The following WWOX variants were observed in gnomAD, a reference collection of about 807,000 sequenced individuals.
The protein encoded by WWOX is WW domain containing oxidoreductase.
Under a neutral mutation model 46.2 loss-of-function variants are expected in WWOX, and 69 were observed. That is an observed-to-expected ratio of 1.49 (90% confidence interval 1.23 to 1.82). The LOEUF is 1.82. Among genes scored for constraint, WWOX ranks in the 40% most tolerant of loss-of-function variants. WWOX has a pLI of 0.00. For synonymous variants in WWOX, 359 were observed against 202.6 expected (o/e 1.77, Z -6.56); for missense variants, 919 against 542.6 (o/e 1.69, Z -6.89).
At chr16:78,370,787 TTGG>T (rs780033589) in intron 5 of WWOX, among the ~76,000 whole-genome samples, 28 of 13,438 alleles carry the variant, frequency 2.1e-3, no homozygotes, top group Middle Eastern at 0.048. Context: ...TCTTTTTTTT[TTGG>T]GGGGGGGGGG....
At chr16:78,117,256 G>A (rs1339934477) in intron 4 of WWOX, among the ~76,000 whole-genome samples, 4 of 152,106 alleles carry the variant, frequency 2.6e-5, no homozygotes, top group Admixed American at 1.3e-4. Flanking sequence ...AAATTGTAAC[G>A]CTCAGGATGG....
intron 5 of WWOX, among the ~76,000 whole-genome samples, chr16:78,375,873 A>T (rs1231077183): frequency 5.3e-5 from 6 of 113,686 alleles, no homozygotes; most frequent in Admixed American, 9.9e-5. Flanking sequence ...TTTTTTTTTG[A>T]CGGAGTCTTG....
rs752791786 is a variant in WWOX, at chr16:78,452,878, T to TATATATATATATATATATATATATAC, written c.1056+20129_1056+20130insTATATATATATATATATATATACATA. 1.2e-3 allele frequency among the ~76,000 whole-genome samples: 165 copies of TATATATATATATATATATATATATAC among 143,050 alleles called. 3 individuals are homozygous for TATATATATATATATATATATATATAC. The highest frequency in any genetic ancestry group is 3.2e-3 in the African/African-American group (110 of 34,096). The allele number at this position is 143,050 out of a possible 152,430, so 93.8% of individuals were successfully genotyped here. On this transcript the variant is annotated intron_variant, in intron 8 of 8. Transcript: ENST00000566780. ...TTCCAGTGAGCTATTTATATATATA[T>TATATATATATATATATATATATATAC]ATACATATTTTTGAGAGGGAATCTT... is the stretch of plus-strand genomic sequence containing the variant.
chr16:79,031,155 A>C (rs1480506269), intron 8 of WWOX, among the ~76,000 whole-genome samples: 1 of 151,908 alleles, frequency 6.6e-6, no homozygotes, highest in Non-Finnish European at 1.5e-5. Context: ...TAAAATGTCA[A>C]GGCCAACTCT....
At chr16:78,672,384 T>C (rs1220167851) in intron 8 of WWOX, among the ~76,000 whole-genome samples, 1 of 152,174 alleles carries the variant, frequency 6.6e-6, no homozygotes, top group African/African-American at 2.4e-5. Flanking sequence ...AGAAAATACA[T>C]ACATTGAAGA....
At chr16:78,817,853 C>T (rs1012534263) in intron 8 of WWOX, among the ~76,000 whole-genome samples, 1 of 152,146 alleles carries the variant, frequency 6.6e-6, no homozygotes, top group African/African-American at 2.4e-5. Flanking sequence ...GAGGTCAAGC[C>T]TTCTTATTGT....
At chr16:79,185,073 T>A (rs1444404808) in intron 8 of WWOX, among the ~76,000 whole-genome samples, 1 of 152,208 alleles carries the variant, frequency 6.6e-6, no homozygotes, top group Non-Finnish European at 1.5e-5. Flanking sequence ...ATTTGAGAGG[T>A]CTTGAGATAA....
chr16:78,335,135 TA>T, intron 5 of WWOX, among the ~76,000 whole-genome samples: 1 of 152,184 alleles, frequency 6.6e-6, no homozygotes, highest in African/African-American at 2.4e-5. Flanking sequence ...TTATTTTTTC[TA>T]AAACTTTAAG....
rs758602263 is a variant in WWOX, at chr16:78,270,815, T to TA, written c.516+106534dup. Among the ~76,000 whole-genome samples the TA allele has an allele frequency of 8.6e-5, 13 of 151,834 alleles. No homozygotes were observed. The East Asian group carries it at 1.4e-3, about 16-fold the overall frequency. Reference sequence around the variant, plus strand: ...CAGTAGCCTTTTATTTATGACCCGTTAAAAAAAACAAAAATGAACAAAAAA... The same window carrying TA: ...CAGTAGCCTTTTATTTATGACCCGTTAAAAAAAAACAAAAATGAACAAAAAA... On this transcript the variant is annotated intron_variant, in intron 5 of 8. Transcript: ENST00000566780.
rs148798205 is a variant in WWOX at position 79,037,008 on chromosome 16, C to T, written c.1057-174600C>T. On this transcript the variant is annotated intron_variant, in intron 8 of 8. Transcript: ENST00000566780. ...ATAGTGATGGGTCTCTCATGGCTCA[C>T]GTATTAACTGTATTTGTTGTTACTG... Among the ~76,000 whole-genome samples, 238 of 152,262 alleles carry T rather than the reference C, an allele frequency of 1.6e-3. 2 individuals are homozygous for T. Among genetic ancestry groups the T allele is most frequent in the Non-Finnish European group, 2.7e-3 (182 of 68,018 alleles).
intron 8 of WWOX, among the ~76,000 whole-genome samples, chr16:78,698,034 G>A (rs1005961679): frequency 1.3e-5 from 2 of 152,250 alleles, no homozygotes; most frequent in African/African-American, 4.8e-5. Context: ...GTTTCAAAGG[G>A]CTTATAAATT....
intron 8 of WWOX, among the ~76,000 whole-genome samples, chr16:78,932,561 C>A (rs1298296734): frequency 1.3e-5 from 2 of 152,198 alleles, no homozygotes; most frequent in Admixed American, 6.5e-5. Flanking sequence ...AAAATGCTGT[C>A]CTCGAAATGT....
intron 8 of WWOX, among the ~76,000 whole-genome samples, chr16:78,663,102 C>G (rs529921487): frequency 1.3e-4 from 20 of 152,280 alleles, no homozygotes; most frequent in African/African-American, 4.6e-4. Context: ...TATCTAATTT[C>G]AGAACATTTT....
intron 8 of WWOX, among the ~76,000 whole-genome samples, chr16:79,050,906 C>A (rs2048154202): frequency 6.6e-6 from 1 of 152,150 alleles, no homozygotes; most frequent in South Asian, 2.1e-4. Context: ...AATATAAGCC[C>A]CATAAAAGGC....
At chr16:78,780,607 A>T (rs547062746) in intron 8 of WWOX, among the ~76,000 whole-genome samples, 1 of 152,302 alleles carries the variant, frequency 6.6e-6, no homozygotes, top group Non-Finnish European at 1.5e-5. Flanking sequence ...GGGAGGAGGA[A>T]AGACAGGGAA....
intron 8 of WWOX, among the ~76,000 whole-genome samples, chr16:78,862,248 G>A (rs548176164): frequency 4.6e-4 from 69 of 150,896 alleles, no homozygotes; most frequent in African/African-American, 1.6e-3. Flanking sequence ...ACACCTATGG[G>A]TGTGTCTGTC....
intron 8 of WWOX, among the ~76,000 whole-genome samples, chr16:78,875,900 C>G (rs752853625): frequency 1.3e-5 from 2 of 152,150 alleles, no homozygotes; most frequent in African/African-American, 2.4e-5. Context: ...TGTTCTAATT[C>G]TTTCTCCTGA....
intron 8 of WWOX, among the ~76,000 whole-genome samples, chr16:79,017,955 G>C (rs756975645): frequency 3.2e-4 from 48 of 152,124 alleles, no homozygotes; most frequent in Non-Finnish European, 5.6e-4. Flanking sequence ...AGGCGAAATA[G>C]AATAAAATAC....
At chr16:78,360,287 T>C (rs969791511) in intron 5 of WWOX, among the ~76,000 whole-genome samples, 1 of 152,070 alleles carries the variant, frequency 6.6e-6, no homozygotes, top group Non-Finnish European at 1.5e-5. Flanking sequence ...TAGACTCACA[T>C]AGAAGTTGGA....
Sources: gnomAD v4.1 joint callset for allele counts (sites outside exome capture counted in the v4.1 genomes callset) on GRCh38, gnomAD v4.1.1 for gene constraint, MANE v1.5 for transcripts, NCBI Gene and HGNC (gene_info 2026-07-23, HGNC 2026-07-21) for gene names.